The following CNTNAP5 variants were observed in gnomAD, a reference collection of about 807,000 sequenced individuals.
CNTNAP5 encodes the protein contactin-associated protein-like 5.
A neutral mutation model predicts 150.2 loss-of-function variants in CNTNAP5; 72 were observed. The observed-to-expected ratio is 0.48, with a 90% CI of 0.40 to 0.58. CNTNAP5 has a LOEUF of 0.58. Ranked by LOEUF, CNTNAP5 falls within the 20% of genes least tolerant of loss-of-function variation. The pLI, the probability that CNTNAP5 is intolerant of heterozygous loss-of-function variation, is 0.00. For synonymous variants in CNTNAP5, 672 were observed against 619.8 expected (o/e 1.08, Z -1.25); for missense variants, 1,636 against 1,626.2 (o/e 1.01, Z -0.10).
chr2:124,576,501 A>G (rs563742953), intron 11 of CNTNAP5, among the ~76,000 whole-genome samples: 34 of 152,348 alleles, frequency 2.2e-4, no homozygotes, highest in African/African-American at 8.2e-4. Flanking sequence ...TGCAGCTCAC[A>G]GGCCATCAGA....
intron 1 of CNTNAP5, among the ~76,000 whole-genome samples, chr2:124,137,276 T>A (rs1052873654): frequency 4.0e-5 from 6 of 148,960 alleles, no homozygotes; most frequent in African/African-American, 1.2e-4. Flanking sequence ...CCTTTGACAC[T>A]TTTATAATGT....
intron 1 of CNTNAP5, among the ~76,000 whole-genome samples, chr2:124,072,160 G>A (rs1187761991): frequency 6.6e-6 from 1 of 151,850 alleles, no homozygotes; most frequent in Non-Finnish European, 1.5e-5. Context: ...AAAAGCATTA[G>A]ATAAAATTCA....
chr2:124,100,792 G>A (rs1683045637), intron 1 of CNTNAP5, among the ~76,000 whole-genome samples: 1 of 150,734 alleles, frequency 6.6e-6, no homozygotes, highest in South Asian at 2.1e-4. Context: ...TTGAACCTGG[G>A]AGGCAGAGAT....
chr2:124,522,368 C>T (rs1200121356), intron 8 of CNTNAP5, among the ~76,000 whole-genome samples: 2 of 152,332 alleles, frequency 1.3e-5, no homozygotes, highest in Non-Finnish European at 1.5e-5. Context: ...GAGATCCTCT[C>T]ATTCCGCCTC....
chr2:124,532,220 C>T (rs1695125952), intron 10 of CNTNAP5, among the ~76,000 whole-genome samples: 1 of 152,148 alleles, frequency 6.6e-6, no homozygotes, highest in Non-Finnish European at 1.5e-5. Flanking sequence ...GCATTCCTCA[C>T]ATAAAAGTTT....
intron 3 of CNTNAP5, among the ~76,000 whole-genome samples, chr2:124,333,237 C>T (rs1389727464): frequency 1.3e-5 from 2 of 151,950 alleles, no homozygotes; most frequent in Non-Finnish European, 2.9e-5. Flanking sequence ...CCATGGCACT[C>T]CAACCTCGGC....
At chr2:124,881,237 T>A (rs1211718298) in intron 21 of CNTNAP5, among the ~76,000 whole-genome samples, 1 of 152,100 alleles carries the variant, frequency 6.6e-6, no homozygotes, top group Non-Finnish European at 1.5e-5. Context: ...GAGACTGGTA[T>A]GCAGGCTATG....
intron 19 of CNTNAP5, among the ~76,000 whole-genome samples, chr2:124,862,675 A>G (rs960794607): frequency 6.6e-6 from 1 of 152,328 alleles, no homozygotes; most frequent in African/African-American, 2.4e-5. Context: ...TAACAAAGCC[A>G]CTGAAGAAGA....
intron 14 of CNTNAP5, among the ~76,000 whole-genome samples, chr2:124,752,977 T>C (rs1023759410): frequency 6.6e-6 from 1 of 152,184 alleles, no homozygotes; most frequent in African/African-American, 2.4e-5. Flanking sequence ...ATGAAGAGTC[T>C]TCTCATCCAA....
chr2:124,361,357 T>G (rs1690192200), intron 3 of CNTNAP5, among the ~76,000 whole-genome samples: 1 of 144,902 alleles, frequency 6.9e-6, no homozygotes. Flanking sequence ...GGTGAGGAAC[T>G]GCATTCCTTT....
chr2:124,592,375 A>ATGTGCGTG (rs142935022), intron 11 of CNTNAP5, among the ~76,000 whole-genome samples: 3 of 149,726 alleles, frequency 2.0e-5, no homozygotes, highest in Admixed American at 6.7e-5. Flanking sequence ...GTATATATAT[A>ATGTGCGTG]TGTGTGTGTG....
At chr2:124,613,005 T>C (rs1677418147) in intron 12 of CNTNAP5, among the ~76,000 whole-genome samples, 1 of 152,160 alleles carries the variant, frequency 6.6e-6, no homozygotes, top group African/African-American at 2.4e-5. Flanking sequence ...TGAGCCGAGA[T>C]TGTGCCACTG....
At chr2:124,493,799 A>G (rs999106255) in intron 7 of CNTNAP5, among the ~76,000 whole-genome samples, 15 of 151,912 alleles carry the variant, frequency 9.9e-5, no homozygotes, top group Admixed American at 9.2e-4. Context: ...TATTTGTTCT[A>G]TTTTTACTCA....
At chr2:124,231,206 C>T (rs546519365) in intron 2 of CNTNAP5, among the ~76,000 whole-genome samples, 1 of 152,300 alleles carries the variant, frequency 6.6e-6, no homozygotes, top group African/African-American at 2.4e-5. Flanking sequence ...GTTCTCACCT[C>T]TATGACTTAT....
chr2:124,636,217 C>T (rs1573512974), intron 12 of CNTNAP5, among the ~76,000 whole-genome samples: 1 of 152,176 alleles, frequency 6.6e-6, no homozygotes, highest in East Asian at 1.9e-4. Flanking sequence ...TACCCAGCCT[C>T]CTTATACCTC....
intron 19 of CNTNAP5, among the ~76,000 whole-genome samples, chr2:124,854,479 C>G (rs1429297540): frequency 6.6e-6 from 1 of 152,126 alleles, no homozygotes; most frequent in African/African-American, 2.4e-5. Flanking sequence ...ACAGAGTAGG[C>G]ACATCAGATC....
At chr2:124,301,526 T>C (rs893897489) in intron 3 of CNTNAP5, among the ~76,000 whole-genome samples, 3 of 152,188 alleles carry the variant, frequency 2.0e-5, no homozygotes, top group Non-Finnish European at 2.9e-5. Context: ...ATTATGCTGC[T>C]CAGCTTGGCT....
At position 124,127,475 on chromosome 2, in the gene CNTNAP5, C is replaced by T. The variant is rs552934448; in HGVS notation, c.83-94230C>T. On this transcript the variant is annotated intron_variant, in intron 1 of 23. Coordinates refer to ENST00000682447, the MANE Select transcript of CNTNAP5 (RefSeq NM_001367498.1). The stretch of plus-strand genomic sequence containing the variant: ...GGAAGAATCAATATCATGAAAATGG[C>T]CATACTGCCCAAGGTAATTTATAGA... 1.4e-4 allele frequency among the ~76,000 whole-genome samples: 21 copies of T among 152,206 alleles called. No individual in the cohort carries two copies. The South Asian group carries it at 2.9e-3, about 21-fold the overall frequency.
chr2:124,245,734 T>C (rs912501462), intron 3 of CNTNAP5, among the ~76,000 whole-genome samples: 1 of 150,990 alleles, frequency 6.6e-6, no homozygotes, highest in African/African-American at 2.4e-5. Context: ...AATATATACA[T>C]ATATATATAT....
Sources: allele counts gnomAD v4.1 joint callset (sites outside exome capture counted in the v4.1 genomes callset), GRCh38; gene constraint gnomAD v4.1.1; transcripts MANE v1.5; gene names NCBI Gene and HGNC (gene_info 2026-07-23, HGNC 2026-07-21).